Variants in ITSN2 observed in about 807,000 individuals in gnomAD.
ITSN2 encodes the protein intersectin-2.
A neutral mutation model predicts 243.7 loss-of-function variants in ITSN2; 156 were observed. That is an observed-to-expected ratio of 0.64 (90% CI 0.56 to 0.73). ITSN2 has a LOEUF of 0.73. Ranked by LOEUF, ITSN2 falls within the 30% of genes least tolerant of loss-of-function variation. The pLI, the probability that ITSN2 is intolerant of heterozygous loss-of-function variation, is 0.00. For missense variants in ITSN2, 1,801 were observed against 1,996.1 expected (o/e 0.90, Z 1.86); for synonymous variants, 703 against 699.9 (o/e 1.00, Z -0.07).
In ITSN2 at chr2:24,254,424, C is replaced by A; in HGVS notation, c.2896G>T (p.Ala966Ser). 1 of 1,608,668 alleles carries A rather than the reference C, an allele frequency of 6.2e-7. No homozygotes were observed. Among genetic ancestry groups the A allele is most frequent in the Non-Finnish European group, 8.5e-7 (1 of 1,175,484 alleles). ...TTCTTATTTACAGCTGCATACAAAGCTTCTGGTCTACCAAATATATAAACA... is the reference window on the plus strand; with the variant it reads ...TTCTTATTTACAGCTGCATACAAAGATTCTGGTCTACCAAATATATAAACA... ...GSEVKREEPE[A>S]LYAAVNKKPT... The change falls in exon 24 of 40, where the codon GCT (alanine) becomes TCT (serine). Residue 966 changes from alanine (A) to serine (S), a missense_variant. By Grantham distance (99) the Ala-to-Ser change is moderately conservative. This residue lies in a region of ITSN2 where 928 missense variants were observed against 1,065.4 expected (regional missense o/e 0.87). Coordinates refer to ENST00000355123, the MANE Select transcript of ITSN2 (RefSeq NM_006277.3).
chr2:24,352,925 T>C (rs1688150239), intron 1 of ITSN2, among the ~76,000 whole-genome samples: 1 of 152,154 alleles, frequency 6.6e-6, no homozygotes, highest in African/African-American at 2.4e-5. Flanking sequence ...CAGAACTAAA[T>C]ATTACAGCAA....
At chr2:24,246,060 G>A in intron 29 of ITSN2, 69 bp downstream of exon 29, 6 of 968,730 alleles carry the variant, frequency 6.2e-6, no homozygotes, top group Non-Finnish European at 9.2e-6. Flanking sequence ...ATCCAGAAAA[G>A]GAATAAATGC....
intron 22 of ITSN2, 106 bp downstream of exon 22, chr2:24,261,000 A>C (rs895051000): frequency 2.1e-6 from 2 of 961,198 alleles, no homozygotes; most frequent in South Asian, 1.9e-5. Context: ...TGAATGCTAC[A>C]AACTCTGGTT....
intron 16 of ITSN2, among the ~76,000 whole-genome samples, chr2:24,285,713 A>G (rs1371449666): frequency 6.6e-6 from 1 of 152,208 alleles, no homozygotes; most frequent in African/African-American, 2.4e-5. Flanking sequence ...TGAATCATTA[A>G]CTTGCTTTTT....
intron 1 of ITSN2, among the ~76,000 whole-genome samples, chr2:24,354,965 AATACT>A (rs1357696798): frequency 1.3e-5 from 2 of 152,246 alleles, no homozygotes; most frequent in African/African-American, 4.8e-5. Context: ...CTTTTGAAAC[AATACT>A]ATACATTCTG....
At chr2:24,358,938 C>T (rs1688704405) in intron 1 of ITSN2, among the ~76,000 whole-genome samples, 1 of 152,142 alleles carries the variant, frequency 6.6e-6, no homozygotes, top group Non-Finnish European at 1.5e-5. Context: ...GTTATCAATG[C>T]ATGGAAGGGT....
chr2:24,305,230 AGTTACATCAATGACTTGATCT>A (rs1558592096), intron 8 of ITSN2, among the ~76,000 whole-genome samples: 1 of 152,310 alleles, frequency 6.6e-6, no homozygotes, highest in African/African-American at 2.4e-5. Flanking sequence ...TTCAGGAAAC[AGTTACATCAATGACTTGATCT>A]AAATAAATTT....
Position 24,204,733 on chromosome 2 carries a change from CACTGGCACTT to C in ITSN2, c.4763-325_4763-316del, listed in dbSNP as rs1452841848. On this transcript the variant is annotated intron_variant, in intron 38 of 39. Coordinates refer to ENST00000355123, the MANE Select transcript of ITSN2 (RefSeq NM_006277.3). The surrounding 1 kb of genome is among the most constrained non-coding windows in gnomAD (Gnocchi z 5.1). ...GCGCAGACACACTCGGGAAGGCGGG[CACTGGCACTT>C]ACTGGGAAAACAGTGATAAGAATAT... 3.7e-6 allele frequency: 2 copies of C among 535,932 alleles called. No homozygotes were observed. The highest frequency in any genetic ancestry group is 2.2e-5 in the Admixed American group (1 of 44,814). 33.2% of individuals were successfully genotyped at this position (535,932 alleles called of 1,614,324 possible). A position where few individuals can be genotyped will look rare whatever the true frequency, so the allele number is the denominator to read the frequency against.
At chr2:24,260,403 T>C (rs921834727) in intron 22 of ITSN2, among the ~76,000 whole-genome samples, 2 of 151,290 alleles carry the variant, frequency 1.3e-5, no homozygotes, top group Admixed American at 6.6e-5. Context: ...GCAATAGTTA[T>C]ATCTAAATCA....
At chr2:24,339,584 G>C (rs952759287) in intron 1 of ITSN2, among the ~76,000 whole-genome samples, 4 of 152,100 alleles carry the variant, frequency 2.6e-5, no homozygotes, top group Admixed American at 6.5e-5. Flanking sequence ...AGGGAGGAAA[G>C]AGGGAAGGTT....
rs1681503808 is a variant in ITSN2 at position 24,299,897 on chromosome 2, CTT to C, written c.1344+10_1344+11del. 1 of 1,575,196 alleles carries C rather than the reference CTT, an allele frequency of 6.3e-7. No individual in the cohort carries two copies. Among genetic ancestry groups the C allele is most frequent in the African/African-American group, 1.4e-5 (1 of 72,776 alleles). On this transcript the variant is annotated intron_variant, in intron 12 of 39. Transcript: ENST00000355123. ...AATGATTTTCTTAAGAAGTAAAAAACTTAAAAATAACCTCTCGTCTTTCTATG... is the reference window on the plus strand; with the variant it reads ...AATGATTTTCTTAAGAAGTAAAAAACAAAAATAACCTCTCGTCTTTCTATG...
chr2:24,227,310 A>C (rs1671138307), intron 29 of ITSN2, among the ~76,000 whole-genome samples: 1 of 150,354 alleles, frequency 6.7e-6, no homozygotes, highest in South Asian at 2.1e-4. Flanking sequence ...AAAAAAAATT[A>C]CAAAAAACGG....
chr2:24,234,265 G>T (rs1671897965), intron 29 of ITSN2, among the ~76,000 whole-genome samples: 1 of 140,538 alleles, frequency 7.1e-6, no homozygotes, highest in African/African-American at 2.6e-5. Context: ...GGAACAACTG[G>T]CCATCCAAAT....
intron 29 of ITSN2, among the ~76,000 whole-genome samples, chr2:24,228,725 A>T (rs1204787516): frequency 1.3e-5 from 2 of 152,226 alleles, no homozygotes; most frequent in Non-Finnish European, 2.9e-5. Flanking sequence ...GTGCGACAGA[A>T]GTCCCTGTGT....
chr2:24,287,700 C>T (rs72855429), intron 15 of ITSN2, among the ~76,000 whole-genome samples: 1 of 151,958 alleles, frequency 6.6e-6, no homozygotes, highest in South Asian at 2.1e-4. Flanking sequence ...CACTACCACT[C>T]GTTATCTCTG....
chr2:24,216,190 C>T lies in ITSN2; in HGVS notation c.3849G>A (p.Pro1283=), dbSNP rs772260462. ...VRKKTGGEKM[P]VQMIGDILAA... The stretch of plus-strand genomic sequence containing the variant: ...CCAGGATGTCCCCAATCATCTGCAC[C>T]GGCATCTTCTCGCCCCCGGTCTTCT... Residue 1283 remains proline, a synonymous_variant, in exon 32 of 40, where the codon CCG becomes CCA. Coordinates refer to ENST00000355123, the MANE Select transcript of ITSN2 (RefSeq NM_006277.3). 19 of 1,609,522 alleles carry T rather than the reference C, an allele frequency of 1.2e-5. No homozygotes were observed. Among genetic ancestry groups the T allele is most frequent in the East Asian group, 9.0e-5 (4 of 44,462 alleles).
chr2:24,356,627 A>G (rs1688476105), intron 1 of ITSN2, among the ~76,000 whole-genome samples: 1 of 152,072 alleles, frequency 6.6e-6, no homozygotes. Flanking sequence ...CAAAACCACA[A>G]TGATGGCCGG....
chr2:24,268,523 T>C (rs954889666), intron 20 of ITSN2, among the ~76,000 whole-genome samples: 21 of 152,114 alleles, frequency 1.4e-4, no homozygotes, highest in Non-Finnish European at 4.4e-5. Context: ...AGTGCCTTCC[T>C]GATGCTGTAC....
chr2:24,315,621 C>G (rs746573910), intron 2 of ITSN2, among the ~76,000 whole-genome samples: 1 of 152,176 alleles, frequency 6.6e-6, no homozygotes, highest in East Asian at 1.9e-4. Context: ...AACCTCATTT[C>G]GAACTGTAAT....
Sources: allele counts gnomAD v4.1 joint callset (sites outside exome capture counted in the v4.1 genomes callset), GRCh38; gene constraint gnomAD v4.1.1; regional missense constraint gnomAD v4.1.1; non-coding constraint Gnocchi (gnomAD v3.1); transcripts MANE v1.5; gene names NCBI Gene and HGNC (gene_info 2026-07-23, HGNC 2026-07-21).